Variants in TMEM131 observed in about 807,000 individuals in gnomAD.
TMEM131 encodes 2610524E03Rik.
TMEM131 carries 66 observed loss-of-function variants against 211.6 expected under a neutral mutation model. The ratio of observed to expected loss-of-function variants is 0.31; its 90% CI spans 0.26 to 0.38. The LOEUF (loss-of-function observed/expected upper bound fraction) is 0.38, where lower values mean the gene tolerates loss of function less well. Among genes scored for constraint, TMEM131 ranks in the 10% least tolerant of loss-of-function variants. The pLI is 1.00. For synonymous variants in TMEM131, 844 were observed against 841.3 expected (o/e 1.00, Z -0.06); for missense variants, 2,036 against 2,299.3 (o/e 0.89, Z 2.34).
chr2:97,794,955 A>G lies in TMEM131; in HGVS notation c.3361T>C (p.Tyr1121His). 6.3e-7 allele frequency: 1 copy of G among 1,599,518 alleles called. No individual in the cohort carries two copies. Among genetic ancestry groups the G allele is most frequent in the Non-Finnish European group, 8.5e-7 (1 of 1,172,284 alleles). Residue 1121 changes from tyrosine (Y) to histidine (H), a missense_variant, in exon 29 of 41, where the codon TAT becomes CAT. Tyr to His is a moderately conservative substitution (Grantham distance 83). Around this residue, in one of 3 missense-constraint regions of TMEM131, gnomAD observed 1,623 missense variants for 1,805.9 expected, o/e 0.90. Transcript: ENST00000186436. ...CTCATTATTCCTGAGATGATGATAT[A>G]CAGAGCCAGTTCCCAGTTAGGTCTG... The part of the protein sequence containing the change: ...LPRPNWELAL[Y>H]IIISGIMSAL...
At chr2:97,859,536 T>C in intron 4 of TMEM131, 109 bp from the exon 5 acceptor site, 1 of 904,530 alleles carries the variant, frequency 1.1e-6, no homozygotes, top group Admixed American at 3.8e-5. Context: ...GCTAAATATA[T>C]TAAAATGCTT....
At chr2:97,860,804 A>G (rs1344188002) in intron 4 of TMEM131, among the ~76,000 whole-genome samples, 2 of 152,238 alleles carry the variant, frequency 1.3e-5, no homozygotes, top group African/African-American at 4.8e-5. Context: ...AATCACCTTC[A>G]TAAGAACCAA....
intron 1 of TMEM131, among the ~76,000 whole-genome samples, chr2:97,939,836 G>C (rs1000914432): frequency 3.3e-5 from 5 of 152,298 alleles, no homozygotes; most frequent in African/African-American, 1.2e-4. Context: ...GATCAAGTTG[G>C]CTTCATCCCT....
intron 4 of TMEM131, among the ~76,000 whole-genome samples, chr2:97,866,922 C>T (rs988981526): frequency 1.3e-5 from 2 of 152,152 alleles, no homozygotes; most frequent in Non-Finnish European, 2.9e-5. Context: ...ATCTGCATTA[C>T]ACTTATCAGT....
intron 5 of TMEM131, among the ~76,000 whole-genome samples, chr2:97,847,580 A>G (rs1483484921): frequency 6.6e-6 from 1 of 152,222 alleles, no homozygotes; most frequent in African/African-American, 2.4e-5. Flanking sequence ...AAGACTCAAT[A>G]TTAGATGTTA....
At chr2:97,848,125 T>C (rs1195306591) in intron 5 of TMEM131, among the ~76,000 whole-genome samples, 1 of 152,176 alleles carries the variant, frequency 6.6e-6, no homozygotes, top group Non-Finnish European at 1.5e-5. Context: ...TATTAGAACA[T>C]AGTGAAGAGT....
chr2:97,910,767 T>G (rs1378432818), intron 2 of TMEM131, among the ~76,000 whole-genome samples: 1 of 152,208 alleles, frequency 6.6e-6, no homozygotes, highest in Non-Finnish European at 1.5e-5. Flanking sequence ...AATGTCATTA[T>G]TTCTGAGGCC....
intron 1 of TMEM131, among the ~76,000 whole-genome samples, chr2:97,989,843 A>G (rs1680185321): frequency 2.6e-5 from 4 of 152,240 alleles, no homozygotes; most frequent in Admixed American, 2.6e-4. Flanking sequence ...AACAACAACA[A>G]CAAAACAGAT....
chr2:97,951,952 T>C (rs529643972), intron 1 of TMEM131, among the ~76,000 whole-genome samples: 1 of 150,010 alleles, frequency 6.7e-6, no homozygotes, highest in East Asian at 2.0e-4. Context: ...AGATCAGGAG[T>C]TCAAGACCAG....
chr2:97,943,455 A>T (rs1381588640), intron 1 of TMEM131, among the ~76,000 whole-genome samples: 1 of 152,256 alleles, frequency 6.6e-6, no homozygotes, highest in African/African-American at 2.4e-5. Flanking sequence ...AAAGGATTAT[A>T]CATCTCGAAC....
chr2:97,783,686 C>T (rs201986167), intron 31 of TMEM131, among the ~76,000 whole-genome samples: 10 of 151,502 alleles, frequency 6.6e-5, no homozygotes, highest in Non-Finnish European at 1.5e-4. Flanking sequence ...AAGTAACCCA[C>T]AAAAAGGCAG....
At chr2:97,863,834 G>C (rs1049539880) in intron 4 of TMEM131, among the ~76,000 whole-genome samples, 48 of 152,136 alleles carry the variant, frequency 3.2e-4, no homozygotes, top group African/African-American at 1.1e-3. Context: ...CAAAAAACTA[G>C]AAGTAGAGCT....
intron 1 of TMEM131, among the ~76,000 whole-genome samples, chr2:97,966,582 C>A (rs1461061733): frequency 6.6e-6 from 1 of 152,126 alleles, no homozygotes; most frequent in South Asian, 2.1e-4. Flanking sequence ...ACATGGATTA[C>A]CTTCAGACTA....
chr2:97,821,239 G>A (rs992866218), intron 11 of TMEM131, among the ~76,000 whole-genome samples: 1 of 151,974 alleles, frequency 6.6e-6, no homozygotes, highest in African/African-American at 2.4e-5. Flanking sequence ...TGTCTCTAAA[G>A]GACTGTAAAT....
At chr2:97,776,218 TA>T (rs1239645979) in intron 31 of TMEM131, among the ~76,000 whole-genome samples, 200 bp from the exon 32 acceptor site, 3 of 152,028 alleles carry the variant, frequency 2.0e-5, no homozygotes, top group Non-Finnish European at 4.4e-5. Context: ...CATGCCCAGC[TA>T]ATTTTTTGTA....
At chr2:97,846,951 T>C (rs1486390209) in intron 5 of TMEM131, among the ~76,000 whole-genome samples, 3 of 151,224 alleles carry the variant, frequency 2.0e-5, no homozygotes, top group Non-Finnish European at 4.4e-5. Context: ...GAGGCCGAGG[T>C]GGGCGGATCA....
chr2:97,789,381 C>T (rs937037558), intron 31 of TMEM131, among the ~76,000 whole-genome samples: 3 of 152,246 alleles, frequency 2.0e-5, no homozygotes, highest in African/African-American at 7.2e-5. Context: ...CAGCCACCTT[C>T]AACTCAGCAG....
chr2:97,811,846 A>G (rs984875492), intron 17 of TMEM131, among the ~76,000 whole-genome samples: 1 of 152,206 alleles, frequency 6.6e-6, no homozygotes, highest in Non-Finnish European at 1.5e-5. Flanking sequence ...TTCTTTTCCC[A>G]GTAGGTATAA....
intron 2 of TMEM131, among the ~76,000 whole-genome samples, chr2:97,913,942 C>T (rs1676398799): frequency 6.6e-6 from 1 of 152,100 alleles, no homozygotes; most frequent in South Asian, 2.1e-4. Context: ...GCTTCTCTGT[C>T]ACCTTTAGAG....
Sources: allele counts gnomAD v4.1 joint callset (sites outside exome capture counted in the v4.1 genomes callset), GRCh38; gene constraint gnomAD v4.1.1; regional missense constraint gnomAD v4.1.1; transcripts MANE v1.5; gene names NCBI Gene and HGNC (gene_info 2026-07-23, HGNC 2026-07-21).